Variants in ADAM19 observed in about 807,000 individuals in gnomAD.
The protein encoded by ADAM19 is disintegrin and metalloproteinase domain-containing protein 19.
In ADAM19, 65 loss-of-function variants were observed where a neutral mutation model predicts 114.7. That is an observed-to-expected ratio of 0.57 (90% CI 0.46 to 0.70). ADAM19 has a LOEUF of 0.70. ADAM19 is among the 30% of genes least tolerant of loss of function. The pLI is 0.00. For synonymous variants in ADAM19, 466 were observed against 460.5 expected, an observed-to-expected ratio of 1.01 and a Z score of -0.15; for missense variants, 1,063 against 1,204.7, an observed-to-expected ratio of 0.88 and a Z score of 1.74.
At chr5:157,513,801 C>T (rs934046317) in intron 7 of ADAM19, among the ~76,000 whole-genome samples, 3 of 152,192 alleles carry the variant, frequency 2.0e-5, no homozygotes, top group African/African-American at 7.2e-5. Context: ...TTCTCCTGTC[C>T]TTCGAATTAC....
At chr5:157,547,657 T>C in intron 3 of ADAM19, among the ~76,000 whole-genome samples, 1 of 152,194 alleles carries the variant, frequency 6.6e-6, no homozygotes, top group East Asian at 1.9e-4. Flanking sequence ...CAATGCAAAA[T>C]GAATTAAGAC....
At chr5:157,544,596 A>T (rs1253858651) in intron 3 of ADAM19, among the ~76,000 whole-genome samples, 2 of 152,188 alleles carry the variant, frequency 1.3e-5, no homozygotes, top group South Asian at 4.1e-4. Flanking sequence ...ACTTCTTGAG[A>T]TCAGACAACT....
intron 22 of ADAM19, chr5:157,481,510 G>A: frequency 3.6e-6 from 4 of 1,125,232 alleles, no homozygotes; most frequent in Non-Finnish European, 2.5e-6. Flanking sequence ...TGAGGAAACA[G>A]ACTCAAGAGG....
At chr5:157,534,637 G>A (rs1328646054) in intron 4 of ADAM19, among the ~76,000 whole-genome samples, 1 of 152,176 alleles carries the variant, frequency 6.6e-6, no homozygotes, top group Admixed American at 6.5e-5. Context: ...CAGCCTGGGG[G>A]ACAGAGCGAG....
intron 4 of ADAM19, among the ~76,000 whole-genome samples, chr5:157,534,645 G>A (rs752521972): frequency 1.6e-4 from 24 of 152,144 alleles, no homozygotes; most frequent in Non-Finnish European, 2.1e-4. Context: ...GGGACAGAGC[G>A]AGGCCCTATG....
At chr5:157,513,937 C>T (rs999898585) in intron 7 of ADAM19, among the ~76,000 whole-genome samples, 2 of 152,226 alleles carry the variant, frequency 1.3e-5, no homozygotes, top group African/African-American at 4.8e-5. Context: ...GGTCAATCAA[C>T]AATCATCGAA....
At chr5:157,553,634 G>A (rs1185321405) in intron 3 of ADAM19, among the ~76,000 whole-genome samples, 1 of 152,076 alleles carries the variant, frequency 6.6e-6, no homozygotes, top group Non-Finnish European at 1.5e-5. Context: ...TCTACATCTA[G>A]GTATCAGTGC....
chr5:157,544,363 T>A (rs1392080045), intron 3 of ADAM19, among the ~76,000 whole-genome samples: 2 of 152,222 alleles, frequency 1.3e-5, no homozygotes, highest in East Asian at 3.8e-4. Flanking sequence ...ACACTCCCTT[T>A]CACCAACCAC....
intron 1 of ADAM19, among the ~76,000 whole-genome samples, chr5:157,571,359 C>T (rs375155214): frequency 6.6e-5 from 10 of 152,214 alleles, no homozygotes; most frequent in African/African-American, 2.4e-4. Flanking sequence ...CATGCAAAAA[C>T]GTGGGGGAAG....
At position 157,519,375 on chromosome 5, in the gene ADAM19, C is replaced by T. The variant is rs148241589; in HGVS notation, c.600+464G>A. On this transcript the variant is annotated intron_variant, in intron 6 of 22. Coordinates refer to ENST00000257527, the MANE Select transcript of ADAM19 (RefSeq NM_033274.5). ...GGTCTCGCTCTGTCACCCAGGCTTC[C>T]GGGTTCAAGTGATTCCCGTGCCCCA... 2.3e-4 allele frequency among the ~76,000 whole-genome samples: 35 copies of T among 152,228 alleles called. No homozygotes were observed. In the East Asian group the frequency reaches 6.2e-3, roughly 27 times the overall value.
At position 157,496,945 on chromosome 5, in the gene ADAM19, T is replaced by C. The variant is rs1323466793; in HGVS notation, c.1543A>G (p.Asn515Asp). ...PCEGGQAYCY[N>D]GMCLTYQEQC... ...TCCTGGTAGGTGAGGCACATGCCGT[T>C]GTAGCAGTAGGCCTGGCCGCCCTCA... is the stretch of plus-strand genomic sequence containing the variant. Residue 515 changes from asparagine to aspartate, a missense_variant, in exon 14 of 23, where the codon AAC becomes GAC. Coordinates refer to ENST00000257527, the MANE Select transcript of ADAM19 (RefSeq NM_033274.5). 1.9e-6 allele frequency: 3 copies of C among 1,598,358 alleles called. No homozygotes were observed. Among genetic ancestry groups the C allele is most frequent in the Non-Finnish European group, 2.6e-6 (3 of 1,173,474 alleles).
At chr5:157,520,153 C>G in intron 5 of ADAM19, 122 bp from the exon 6 acceptor site, 1 of 934,684 alleles carries the variant, frequency 1.1e-6, no homozygotes, top group Non-Finnish European at 1.6e-6. Context: ...GGTTCTTAAC[C>G]TAATTATGGG....
chr5:157,477,880 C>G lies in ADAM19; in HGVS notation c.*3069G>C. On this transcript the variant is annotated 3_prime_UTR_variant, in exon 23 of 23. Coordinates refer to ENST00000257527, the MANE Select transcript of ADAM19 (RefSeq NM_033274.5). The stretch of plus-strand genomic sequence containing the variant: ...CAAAAAAACACTCCAACCAGAAAAT[C>G]AGCAAGTCTCAGACCTTAAGATCTG... The G allele has an allele frequency of 2.4e-6, 1 of 412,728 alleles. No homozygotes were observed. The highest frequency in any genetic ancestry group is 2.0e-5 in the South Asian group (1 of 49,772). 25.6% of individuals were successfully genotyped at this position (412,728 alleles called of 1,614,324 possible).
chr5:157,506,692 T>C (rs1659540626), intron 10 of ADAM19, among the ~76,000 whole-genome samples: 1 of 152,166 alleles, frequency 6.6e-6, no homozygotes, highest in African/African-American at 2.4e-5. Flanking sequence ...TTGAGACAGG[T>C]TCTTGTTTCT....
At chr5:157,542,837 C>G (rs577091092) in intron 3 of ADAM19, among the ~76,000 whole-genome samples, 1 of 152,306 alleles carries the variant, frequency 6.6e-6, no homozygotes, top group African/African-American at 2.4e-5. Context: ...TAAGGGAGCA[C>G]AGCCAAGCCT....
intron 17 of ADAM19, 44 bp from the exon 18 acceptor site, chr5:157,491,767 T>C: frequency 6.2e-7 from 1 of 1,611,758 alleles, no homozygotes; most frequent in Admixed American, 1.7e-5. Context: ...CCAGAGAGCA[T>C]CAGCCACCCA....
intron 3 of ADAM19, among the ~76,000 whole-genome samples, chr5:157,557,727 T>C (rs1247942337): frequency 6.6e-6 from 1 of 152,194 alleles, no homozygotes; most frequent in Non-Finnish European, 1.5e-5. Flanking sequence ...CTGCTAGCTG[T>C]GTCTTCACCT....
At chr5:157,501,886 T>G (rs1422182050) in intron 12 of ADAM19, among the ~76,000 whole-genome samples, 1 of 147,046 alleles carries the variant, frequency 6.8e-6, no homozygotes, top group Non-Finnish European at 1.5e-5. Context: ...CTGTCTCTGC[T>G]AAAAGTACAA....
chr5:157,567,292 A>G (rs1411591458), intron 2 of ADAM19, among the ~76,000 whole-genome samples: 2 of 152,328 alleles, frequency 1.3e-5, no homozygotes, highest in African/African-American at 4.8e-5. Context: ...TCAAGAAGGA[A>G]CATTTCAAAC....
Sources: allele counts gnomAD v4.1 joint callset (sites outside exome capture counted in the v4.1 genomes callset), GRCh38; gene constraint gnomAD v4.1.1; transcripts MANE v1.5; gene names NCBI Gene and HGNC (gene_info 2026-07-23, HGNC 2026-07-21).